Variants in SECTM1 observed in about 807,000 individuals in gnomAD.
SECTM1 encodes the protein secreted and transmembrane protein 1.
SECTM1 carries 10 observed loss-of-function variants against 18.1 expected under a neutral mutation model. The ratio of observed to expected loss-of-function variants is 0.55; its 90% CI spans 0.34 to 0.94. The LOEUF (loss-of-function observed/expected upper bound fraction) is 0.94, where lower values mean the gene tolerates loss of function less well. Ranked by LOEUF, SECTM1 falls within the 40% of genes least tolerant of loss-of-function variation. The probability of loss-of-function intolerance (pLI) is 0.02; values close to 1 mark genes in which losing one functional copy is unlikely to be tolerated. For missense variants in SECTM1, 297 were observed against 322.6 expected (o/e 0.92, Z 0.61); for synonymous variants, 137 against 139.2 (o/e 0.98, Z 0.11).
rs2052178990 is a variant in SECTM1 at position 82,330,020 on chromosome 17, C to G, written c.-52-2728G>C. On this transcript the variant is annotated intron_variant, in intron 1 of 4. Coordinates refer to ENST00000269389, the MANE Select transcript of SECTM1 (RefSeq NM_003004.3). This position sits in a 1 kb window ranked among gnomAD's most constrained non-coding sequence, Gnocchi z 6.1. ...GGGGACTGGTAGCCGACCACAGAAC[C>G]CCCACCCCCAGTGCGGTGGGAGACC... is the stretch of plus-strand genomic sequence containing the variant. Among the ~76,000 whole-genome samples the G allele has an allele frequency of 6.6e-6, 1 of 152,196 alleles. No individual in the cohort carries two copies. The highest frequency in any genetic ancestry group is 2.4e-5 in the African/African-American group (1 of 41,450).
chr17:82,332,690 C>G (rs907916111), intron 1 of SECTM1, among the ~76,000 whole-genome samples: 5 of 152,212 alleles, frequency 3.3e-5, no homozygotes, highest in African/African-American at 1.2e-4. Flanking sequence ...GAGCCAGGCC[C>G]AGAGGGGACC....
chr17:82,330,294 C>T lies in SECTM1; in HGVS notation c.-52-3002G>A, dbSNP rs1599656647. ...CCCAGGCTGCTCTGGGGAGTCCTGC[C>T]CTCACCTGGAGCCTGGAGGCCATCT... On this transcript the variant is annotated intron_variant, in intron 1 of 4. Transcript: ENST00000269389. The surrounding 1 kb of genome is among the most constrained non-coding windows in gnomAD (Gnocchi z 6.1). 6.6e-6 allele frequency among the ~76,000 whole-genome samples: 1 copy of T among 152,278 alleles called. No homozygotes were observed. The highest frequency in any genetic ancestry group is 2.4e-5 in the African/African-American group (1 of 41,560).
chr17:82,331,339 C>T (rs955254946), intron 1 of SECTM1, among the ~76,000 whole-genome samples: 28 of 152,270 alleles, frequency 1.8e-4, no homozygotes, highest in African/African-American at 6.3e-4. Context: ...GCGGACCATG[C>T]GTGGCCCCAG....
intron 1 of SECTM1, chr17:82,327,989 T>C (rs1599655364): frequency 2.2e-5 from 2 of 92,330 alleles, no homozygotes; most frequent in Admixed American, 2.6e-4. Context: ...AGCCTGTCCA[T>C]CAGCCTCCCC....
chr17:82,324,461 A>G (rs1202842722), intron 3 of SECTM1, 121 bp downstream of exon 3: 2 of 1,099,298 alleles, frequency 1.8e-6, no homozygotes, highest in African/African-American at 1.6e-5. Context: ...AGCCCGGCTC[A>G]TGCCTGCTCT....
chr17:82,324,517 G>GCCCCC, intron 3 of SECTM1, 65 bp downstream of exon 3: 3 of 604,114 alleles, frequency 5.0e-6, no homozygotes, highest in Non-Finnish European at 5.1e-6. Context: ...CCCTGCCCAG[G>GCCCCC]CCCCCTCCCC....
intron 4 of SECTM1, 30 bp downstream of exon 4, chr17:82,322,848 C>T (rs1419082315): frequency 6.2e-7 from 1 of 1,611,648 alleles, no homozygotes. Flanking sequence ...ACTCCCCACC[C>T]CGCACAAACT....
intron 1 of SECTM1, among the ~76,000 whole-genome samples, chr17:82,333,198 A>G (rs1250194454): frequency 2.0e-5 from 3 of 152,206 alleles, no homozygotes; most frequent in African/African-American, 7.2e-5. Context: ...GTGCACGCAT[A>G]TGAGCGAGTG....
At chr17:82,327,815 C>T (rs2052159342) in intron 1 of SECTM1, among the ~76,000 whole-genome samples, 1 of 152,114 alleles carries the variant, frequency 6.6e-6, no homozygotes, top group African/African-American at 2.4e-5. Context: ...TCTGTCTCCT[C>T]GTGGGTCCTG....
In SECTM1 at chr17:82,326,160, G is replaced by A. The variant is rs2052144015; in HGVS notation, c.94+987C>T. ...AGTTACACTTTGGAACCACTGTTGG[G>A]GGGTGGGGGCAGAATCTCCCGAAAC... On this transcript the variant is annotated intron_variant, in intron 2 of 4. Transcript: ENST00000269389. This position sits in a 1 kb window ranked among gnomAD's most constrained non-coding sequence, Gnocchi z 4.3. 6.6e-6 allele frequency among the ~76,000 whole-genome samples: 1 copy of A among 152,270 alleles called. No individual in the cohort carries two copies. The highest frequency in any genetic ancestry group is 1.5e-5 in the Non-Finnish European group (1 of 68,046).
rs6502097 is a variant in SECTM1 at position 82,328,303 on chromosome 17, C to G, written c.-52-1011G>C. ...CACCCACGGTGCTGGGGGAGGGCCC[C>G]ACAGGCAGTGATGAGCCTCTCACAG... On this transcript the variant is annotated intron_variant, in intron 1 of 4. Transcript: ENST00000269389. The surrounding 1 kb of genome is among the most constrained non-coding windows in gnomAD (Gnocchi z 5.8). 126,976 of 152,134 alleles carry G rather than the reference C, an allele frequency of 0.83. 53,335 individuals are homozygous for G. Among genetic ancestry groups the G allele is most frequent in the South Asian group, 0.89 (4,305 of 4,830 alleles). 9.4% of individuals were successfully genotyped at this position (152,134 alleles called of 1,614,324 possible). A position where few individuals can be genotyped will look rare whatever the true frequency, so the allele number is the denominator to read the frequency against.
rs138240174 is a variant in SECTM1 at position 82,332,371 on chromosome 17, G to A, written c.-53+1329C>T. The stretch of plus-strand genomic sequence containing the variant: ...AGCACGCCTGCGCATGCCTGTTCCC[G>A]CTCCCTGGTGCCCCGGGCGCCTGCC... On this transcript the variant is annotated intron_variant, in intron 1 of 4. Transcript: ENST00000269389. 2.9e-3 allele frequency among the ~76,000 whole-genome samples: 438 copies of A among 152,262 alleles called. 2 individuals carry two copies. The highest frequency in any genetic ancestry group is 0.01 in the African/African-American group (423 of 41,540).
rs1357168588 is a variant in SECTM1 at position 82,321,361 on chromosome 17, G to T, written c.*800C>A. The T allele has an allele frequency of 6.6e-6, 1 of 152,166 alleles. No individual in the cohort carries two copies. Among genetic ancestry groups the T allele is most frequent in the Non-Finnish European group, 1.5e-5 (1 of 68,020 alleles). The allele number at this position is 152,166 out of a possible 1,614,324, so 9.4% of individuals were successfully genotyped here. On this transcript the variant is annotated 3_prime_UTR_variant, in exon 5 of 5. Coordinates refer to ENST00000269389, the MANE Select transcript of SECTM1 (RefSeq NM_003004.3). Reference sequence around the variant, plus strand: ...ATTCGAGTCATGGAACTTTTTCAAAGAACTGAAGGGGGATTCCCGGTGATT... The same window carrying T: ...ATTCGAGTCATGGAACTTTTTCAAATAACTGAAGGGGGATTCCCGGTGATT...
In SECTM1 at chr17:82,322,908, G is replaced by A; in HGVS notation, c.507C>T (p.Tyr169=). 6.2e-7 allele frequency: 1 copy of A among 1,613,874 alleles called. No individual in the cohort carries two copies. The highest frequency in any genetic ancestry group is 1.3e-5 in the African/African-American group (1 of 75,032). ...LLVALVMFAW[Y]RCRCSQQRRE... ...GGCGTTGCTGGGAACAGCGGCACCT[G>A]TACCAGGCGAACATGACCAGAGCGA... The change falls in exon 4 of 5, where the codon TAC becomes TAT. Residue 169 remains tyrosine, a synonymous_variant. Transcript: ENST00000269389.
chr17:82,324,536 T>TCC, intron 3 of SECTM1, 46 bp downstream of exon 3: 1 of 341,586 alleles, frequency 2.9e-6, no homozygotes. Context: ...CCTCCCCGTG[T>TCC]CCCCTCTCAC....
chr17:82,324,529 CCCCGTGT>C, intron 3 of SECTM1, 46 bp downstream of exon 3: 1 of 732,178 alleles, frequency 1.4e-6, no homozygotes, highest in South Asian at 2.1e-5. Flanking sequence ...CCCCTCCCCT[CCCCGTGT>C]CCCCTCTCAC....
intron 1 of SECTM1, among the ~76,000 whole-genome samples, chr17:82,332,761 G>C (rs2052202185): frequency 1.3e-5 from 2 of 152,164 alleles, no homozygotes; most frequent in South Asian, 4.1e-4. Flanking sequence ...TTCCTGCTCA[G>C]CACCTGTTCA....
chr17:82,332,039 G>A (rs920963491), intron 1 of SECTM1, among the ~76,000 whole-genome samples: 3 of 152,058 alleles, frequency 2.0e-5, no homozygotes, highest in Admixed American at 2.0e-4. Flanking sequence ...TTACTTGGGA[G>A]GCTGAGGCAG....
intron 3 of SECTM1, among the ~76,000 whole-genome samples, chr17:82,323,665 T>G (rs79593999): frequency 0.056 from 8,435 of 151,598 alleles, 726 homozygotes; most frequent in African/African-American, 0.18. Flanking sequence ...ACAGAGGGCC[T>G]GGGGGCTGCT....
Sources: gnomAD v4.1 joint callset for allele counts (sites outside exome capture counted in the v4.1 genomes callset) on GRCh38, gnomAD v4.1.1 for gene constraint, Gnocchi (gnomAD v3.1) non-coding constraint, MANE v1.5 for transcripts, NCBI Gene and HGNC (gene_info 2026-07-23, HGNC 2026-07-21) for gene names.